PRDM13: variants seen among roughly 807,000 people sequenced by gnomAD.
PRDM13 encodes PR domain zinc finger protein 13.
In PRDM13, 15 loss-of-function variants were observed where a neutral mutation model predicts 36.4. The observed-to-expected ratio is 0.41, with a 90% CI of 0.28 to 0.64. The LOEUF (loss-of-function observed/expected upper bound fraction) is 0.64. Ranked by LOEUF, PRDM13 falls within the 30% of genes least tolerant of loss-of-function variation. The pLI is 0.29. For missense variants in PRDM13, 1,044 were observed against 1,013.5 expected (o/e 1.03, Z -0.41); for synonymous variants, 531 against 467.7 (o/e 1.14, Z -1.75).
chr6:99,614,845 G>T lies in PRDM13; in HGVS notation c.*86G>T, dbSNP rs1219727142. On this transcript the variant is annotated 3_prime_UTR_variant, in exon 4 of 4. Coordinates refer to ENST00000369215, the MANE Select transcript of PRDM13 (RefSeq NM_021620.4). ...GTAGAGGAACTCCTGGTGGTGGGAAGAGGGACCCAATGGACAAAACCGTTT... is the reference window on the plus strand; with the variant it reads ...GTAGAGGAACTCCTGGTGGTGGGAATAGGGACCCAATGGACAAAACCGTTT... The T allele has an allele frequency of 2.7e-6, 4 of 1,488,444 alleles. No homozygotes were observed. The highest frequency in any genetic ancestry group is 2.7e-6 in the Non-Finnish European group (3 of 1,116,320). The allele number at this position is 1,488,444 out of a possible 1,614,324, so 92.2% of individuals were successfully genotyped here.
At position 99,614,218 on chromosome 6, in the gene PRDM13, A is replaced by C. The variant is rs1264785261; in HGVS notation, c.1583A>C (p.Gln528Pro). Reference protein sequence around the residue: ...IDREIAMHNQQLSEMAAGKGR... With the variant: ...IDREIAMHNQPLSEMAAGKGR... ...CGAGAGATCGCCATGCACAATCAGC[A>C]GCTGTCCGAGATGGCTGCCGGGAAG... The change falls in exon 4 of 4, where the codon CAG becomes CCG. Residue 528 changes from glutamine (Q) to proline (P), a missense_variant. Physicochemically the swap from Gln to Pro is moderately conservative, Grantham distance 76. This residue lies in a region of PRDM13 where 921 missense variants were observed against 865.2 expected (regional missense o/e 1.06). Transcript: ENST00000369215. The C allele has an allele frequency of 6.2e-7, 1 of 1,608,876 alleles. No individual in the cohort carries two copies. Among genetic ancestry groups the C allele is most frequent in the Non-Finnish European group, 8.5e-7 (1 of 1,179,048 alleles).
chr6:99,607,341 A>G, intron 1 of PRDM13, 163 bp downstream of exon 1: 1 of 1,106,450 alleles, frequency 9.0e-7, no homozygotes, highest in Non-Finnish European at 1.2e-6. Context: ...TAGCCTCTTT[A>G]ACTGTGAGAG....
chr6:99,607,030 C>T lies in PRDM13; in HGVS notation c.-5C>T, dbSNP rs533839306. On this transcript the variant is annotated 5_prime_UTR_variant, in exon 1 of 4. It introduces an in-frame stop codon into an upstream open reading frame of the 5' UTR. Coordinates refer to ENST00000369215, the MANE Select transcript of PRDM13 (RefSeq NM_021620.4). ...CCGAGCGCCTGCCTGGTGGCGGCGG[C>T]AACAATGCACGGAGCCGCCAGAGCG... 6.2e-7 allele frequency: 1 copy of T among 1,605,078 alleles called. No individual in the cohort carries two copies. Among genetic ancestry groups the T allele is most frequent in the African/African-American group, 1.3e-5 (1 of 74,760 alleles).
In PRDM13 at chr6:99,607,021, T is replaced by TGGC. The variant is rs1769955423; in HGVS notation, c.-7_-5dup. 3.7e-6 allele frequency: 6 copies of TGGC among 1,602,966 alleles called. No individual in the cohort carries two copies. The highest frequency in any genetic ancestry group is 4.3e-6 in the Non-Finnish European group (5 of 1,173,966). ...CTGGAGCACCCGAGCGCCTGCCTGG[T>TGGC]GGCGGCGGCAACAATGCACGGAGCC... On this transcript the variant is annotated 5_prime_UTR_variant, in exon 1 of 4. Transcript: ENST00000369215.
chr6:99,614,950 G>A lies in PRDM13; in HGVS notation c.*191G>A, dbSNP rs903934103. ...TGAAACTCAGAGCAACAGTTCAGAG[G>A]TGGCGTAAATCTGGCCACCTGGAGA... is the stretch of plus-strand genomic sequence containing the variant. On this transcript the variant is annotated 3_prime_UTR_variant, in exon 4 of 4. Transcript: ENST00000369215. 4 of 830,292 alleles carry A rather than the reference G, an allele frequency of 4.8e-6. No individual in the cohort carries two copies. The highest frequency in any genetic ancestry group is 7.2e-6 in the Non-Finnish European group (4 of 554,626). 51.4% of individuals were successfully genotyped at this position (830,292 alleles called of 1,614,324 possible).
At position 99,613,512 on chromosome 6, in the gene PRDM13, T is replaced by C; in HGVS notation, c.877T>C (p.Ser293Pro). ...CCTGGCTTTCTACCCCGGCGTGCGC[T>C]CAGCTTTCAAGCCCGCCGGCCTAGC... The part of the protein sequence containing the change: ...GSLAFYPGVR[S>P]AFKPAGLARA... Residue 293 changes from serine (S) to proline (P), a missense_variant, in exon 4 of 4, where the codon TCA (serine) becomes CCA (proline). Physicochemically the swap from Ser to Pro is moderately conservative, Grantham distance 74. Coordinates refer to ENST00000369215, the MANE Select transcript of PRDM13 (RefSeq NM_021620.4). The surrounding 1 kb of genome is among the most constrained non-coding windows in gnomAD (Gnocchi z 6.1). 1 of 1,512,200 alleles carries C rather than the reference T, an allele frequency of 6.6e-7. No homozygotes were observed. The highest frequency in any genetic ancestry group is 8.8e-7 in the Non-Finnish European group (1 of 1,139,206). The allele number at this position is 1,512,200 out of a possible 1,614,324, so 93.7% of individuals were successfully genotyped here.
chr6:99,608,292 G>A (rs1769980451), intron 1 of PRDM13, among the ~76,000 whole-genome samples: 1 of 152,212 alleles, frequency 6.6e-6, no homozygotes, highest in Admixed American at 6.5e-5. Context: ...TAGGTGCGAT[G>A]CACACAGAAT....
chr6:99,613,467 T>C lies in PRDM13; in HGVS notation c.832T>C (p.Ser278Pro). 1 of 1,528,960 alleles carries C rather than the reference T, an allele frequency of 6.5e-7. No homozygotes were observed. Among genetic ancestry groups the C allele is most frequent in the Non-Finnish European group, 8.7e-7 (1 of 1,146,888 alleles). 94.7% of individuals were successfully genotyped at this position (1,528,960 alleles called of 1,614,324 possible). The stretch of plus-strand genomic sequence containing the variant: ...GCACTTCCTCGGCATCGTGGGCGGC[T>C]CCTCGGCGGGGGTCGGCAGCCTGGC... Reference protein sequence around the residue: ...QGHFLGIVGGSSAGVGSLAFY... With the variant: ...QGHFLGIVGGPSAGVGSLAFY... The change falls in exon 4 of 4, where the codon TCC becomes CCC. Residue 278 changes from serine to proline, a missense_variant. Transcript: ENST00000369215. This position sits in a 1 kb window ranked among gnomAD's most constrained non-coding sequence, Gnocchi z 6.1.
rs1231325698 is a variant in PRDM13, at chr6:99,615,381, G to A, written c.*622G>A. ...TATTTATGAGAAAATAATGATAAAT[G>A]TAAAATATCTAAAGCATGAATCTAA... On this transcript the variant is annotated 3_prime_UTR_variant, in exon 4 of 4. Coordinates refer to ENST00000369215, the MANE Select transcript of PRDM13 (RefSeq NM_021620.4). 1 of 152,744 alleles carries A rather than the reference G, an allele frequency of 6.5e-6. No homozygotes were observed. The highest frequency in any genetic ancestry group is 1.5e-5 in the Non-Finnish European group (1 of 68,158). 9.5% of individuals were successfully genotyped at this position (152,744 alleles called of 1,614,324 possible). A position where few individuals can be genotyped will look rare whatever the true frequency, so the allele number is the denominator to read the frequency against.
chr6:99,613,979 G>A lies in PRDM13; in HGVS notation c.1344G>A (p.Pro448=). Residue 448 remains proline, a synonymous_variant, in exon 4 of 4, where the codon CCG becomes CCA. Coordinates refer to ENST00000369215, the MANE Select transcript of PRDM13 (RefSeq NM_021620.4). The surrounding 1 kb of genome is among the most constrained non-coding windows in gnomAD (Gnocchi z 6.1). ...ACCCGGGCGGTCTCAAAGCCTATCC[G>A]GGTGGTGAGTGCAGCCACCTGCCCG... is the stretch of plus-strand genomic sequence containing the variant. ...PLDPGGLKAY[P]GGECSHLPAV... 2 of 1,605,190 alleles carry A rather than the reference G, an allele frequency of 1.2e-6. No individual in the cohort carries two copies. The highest frequency in any genetic ancestry group is 1.1e-5 in the South Asian group (1 of 90,310).
chr6:99,608,865 G>GAGGA lies in PRDM13; in HGVS notation c.270_273dup (p.Gln92ArgfsTer23). 1 of 1,612,938 alleles carries GAGGA rather than the reference G, an allele frequency of 6.2e-7. No individual in the cohort carries two copies. Among genetic ancestry groups the GAGGA allele is most frequent in the Non-Finnish European group, 8.5e-7 (1 of 1,179,490 alleles). ...CTGGAAGCTATTGCAGACTTACCCG[G>GAGGA]AGGACAGGTACTGCGGGCTTCTCTC... On this transcript the variant is annotated frameshift_variant, in exon 2 of 4. Transcript: ENST00000369215. LOFTEE classifies it high-confidence loss of function.
chr6:99,613,806 C>T lies in PRDM13; in HGVS notation c.1171C>T (p.Leu391=). The change falls in exon 4 of 4, where the codon CTG becomes TTG. Residue 391 remains leucine, a synonymous_variant. Coordinates refer to ENST00000369215, the MANE Select transcript of PRDM13 (RefSeq NM_021620.4). The surrounding 1 kb of genome is among the most constrained non-coding windows in gnomAD (Gnocchi z 6.1). ...CTCTGGGGCCCTGCGCGGCTTCCCT[C>T]TGCTCTCCGTCCCCCCGGAAGAGGC... ...PCSGALRGFP[L]LSVPPEEASA... The T allele has an allele frequency of 2.0e-6, 3 of 1,510,402 alleles. No individual in the cohort carries two copies. The highest frequency in any genetic ancestry group is 2.6e-6 in the Non-Finnish European group (3 of 1,136,818). The allele number at this position is 1,510,402 out of a possible 1,614,324, so 93.6% of individuals were successfully genotyped here.
Position 99,613,102 on chromosome 6 carries a change from T to G in PRDM13, c.467T>G (p.Leu156Arg), listed in dbSNP as rs1770055298. The G allele has an allele frequency of 6.5e-7, 1 of 1,549,836 alleles. No homozygotes were observed. Residue 156 changes from leucine to arginine, a missense_variant, in exon 4 of 4, where the codon CTG (leucine) becomes CGG (arginine). By Grantham distance (102) the Leu-to-Arg change is moderately radical. Transcript: ENST00000369215. This position sits in a 1 kb window ranked among gnomAD's most constrained non-coding sequence, Gnocchi z 6.1. Reference protein sequence around the residue: ...FRYPNSLKAHLRFHCVFSGGG... With the variant: ...FRYPNSLKAHRRFHCVFSGGG... The stretch of plus-strand genomic sequence containing the variant: ...TACCCCAACAGCCTTAAGGCACACC[T>G]GCGTTTCCACTGCGTGTTCAGCGGC...
chr6:99,607,136 C>A lies in PRDM13; in HGVS notation c.102C>A (p.Gly34=). 1 of 1,613,928 alleles carries A rather than the reference C, an allele frequency of 6.2e-7. No homozygotes were observed. Among genetic ancestry groups the A allele is most frequent in the South Asian group, 1.1e-5 (1 of 91,066 alleles). Reference sequence around the variant, plus strand: ...CGGTGCCTGGTACCTTCAAGCTGGGCAAGTACCTGTCAGACCGCAGGGAGC... The same window carrying A: ...CGGTGCCTGGTACCTTCAAGCTGGGAAAGTACCTGTCAGACCGCAGGGAGC... ...LGPVPGTFKL[G]KYLSDRREPG... The change falls in exon 1 of 4, where the codon GGC becomes GGA. Residue 34 remains glycine (G), a synonymous_variant. Coordinates refer to ENST00000369215, the MANE Select transcript of PRDM13 (RefSeq NM_021620.4).
At chr6:99,611,869 A>G (rs1366625305) in intron 3 of PRDM13, among the ~76,000 whole-genome samples, 1 of 152,184 alleles carries the variant, frequency 6.6e-6, no homozygotes, top group Non-Finnish European at 1.5e-5. Flanking sequence ...AGTATTATCA[A>G]TCAACCACAT....
Position 99,614,768 on chromosome 6 carries a change from C to T in PRDM13, c.*9C>T. The T allele has an allele frequency of 6.4e-7, 1 of 1,557,920 alleles. No homozygotes were observed. Among genetic ancestry groups the T allele is most frequent in the Non-Finnish European group, 8.7e-7 (1 of 1,153,664 alleles). On this transcript the variant is annotated 3_prime_UTR_variant, in exon 4 of 4. Transcript: ENST00000369215. ...GGGAGCGCGACTTGTAACGAGTCTT[C>T]CCGGGAAGGGGCGGGGTGAGGACAG...
rs2114500350 is a variant in PRDM13, at chr6:99,613,687, GTCACCACCA to G, written c.1062_1070del (p.His355_His357del). 2.1e-6 allele frequency: 3 copies of G among 1,445,006 alleles called. No individual in the cohort carries two copies. In the East Asian group the frequency reaches 8.7e-5, roughly 42 times the overall value. 89.5% of individuals were successfully genotyped at this position (1,445,006 alleles called of 1,614,324 possible). A position where few individuals can be genotyped will look rare whatever the true frequency, so the allele number is the denominator to read the frequency against. On this transcript the variant is annotated inframe_deletion, in exon 4 of 4. Coordinates refer to ENST00000369215, the MANE Select transcript of PRDM13 (RefSeq NM_021620.4). The surrounding 1 kb of genome is among the most constrained non-coding windows in gnomAD (Gnocchi z 6.1). ...GAGAACTCGGCGGCGGGCGGCGCGGGTCACCACCATCACCACCACGCGCACCACCACCAC... is the reference window on the plus strand; with the variant it reads ...GAGAACTCGGCGGCGGGCGGCGCGGGTCACCACCACGCGCACCACCACCAC...
Position 99,613,907 on chromosome 6 carries a change from C to G in PRDM13, c.1272C>G (p.Pro424=), listed in dbSNP as rs768759682. 6.3e-7 allele frequency: 1 copy of G among 1,583,456 alleles called. No individual in the cohort carries two copies. The highest frequency in any genetic ancestry group is 8.5e-7 in the Non-Finnish European group (1 of 1,170,442). ...ALPGARYAQL[P]PAPGLPLERC... ...CAGGAGCGCGTTATGCGCAGCTGCC[C>G]CCTGCGCCGGGGTTGCCCCTCGAGC... is the stretch of plus-strand genomic sequence containing the variant. The change falls in exon 4 of 4, where the codon CCC becomes CCG. Residue 424 remains proline (P), a synonymous_variant. Transcript: ENST00000369215. This position sits in a 1 kb window ranked among gnomAD's most constrained non-coding sequence, Gnocchi z 6.1.
Position 99,614,024 on chromosome 6 carries a change from A to T in PRDM13, c.1389A>T (p.Thr463=). ...TGCCCGCCGTCATGCCGGCCTTTAC[A>T]GTCTACAACGGGGAGCTGCTCTACG... ...SHLPAVMPAF[T]VYNGELLYGS... Residue 463 remains threonine, a synonymous_variant, in exon 4 of 4, where the codon ACA becomes ACT. Transcript: ENST00000369215. 1 of 1,610,374 alleles carries T rather than the reference A, an allele frequency of 6.2e-7. No homozygotes were observed. The highest frequency in any genetic ancestry group is 2.2e-5 in the East Asian group (1 of 44,632).
Sources: allele counts gnomAD v4.1 joint callset (sites outside exome capture counted in the v4.1 genomes callset), GRCh38; gene constraint gnomAD v4.1.1; regional missense constraint gnomAD v4.1.1; non-coding constraint Gnocchi (gnomAD v3.1); transcripts MANE v1.5; gene names NCBI Gene and HGNC (gene_info 2026-07-23, HGNC 2026-07-21).